DSCAML1: variants seen among roughly 807,000 people sequenced by gnomAD.
The protein encoded by DSCAML1 is DS cell adhesion molecule like 1, also known as cell adhesion molecule DSCAML1.
DSCAML1 carries 38 observed loss-of-function variants against 200.5 expected under a neutral mutation model. That is an observed-to-expected ratio of 0.19 (90% CI 0.15 to 0.25). The LOEUF (loss-of-function observed/expected upper bound fraction) is 0.25. Among genes scored for constraint, DSCAML1 ranks in the 10% least tolerant of loss-of-function variants. The pLI is 1.00. For missense variants in DSCAML1, 2,223 were observed against 2,858.8 expected (o/e 0.78, Z 5.07); for synonymous variants, 1,215 against 1,165.0 (o/e 1.04, Z -0.87).
At chr11:117,472,603 CTT>C (rs1230190276) in intron 14 of DSCAML1, among the ~76,000 whole-genome samples, 1 of 152,200 alleles carries the variant, frequency 6.6e-6, no homozygotes, top group African/African-American at 2.4e-5. Flanking sequence ...ACCCTACCCT[CTT>C]TCCTTCATCG....
chr11:117,586,695 T>G (rs139729926), intron 3 of DSCAML1, among the ~76,000 whole-genome samples: 1 of 152,248 alleles, frequency 6.6e-6, no homozygotes, highest in South Asian at 2.1e-4. Context: ...CCTGCTTCCA[T>G]GATGGGTTTA....
chr11:117,794,386 C>T (rs999454719), intron 1 of DSCAML1, among the ~76,000 whole-genome samples: 2 of 151,942 alleles, frequency 1.3e-5, no homozygotes, highest in East Asian at 1.9e-4. Flanking sequence ...ACTCGATAAC[C>T]GATGATTAAA....
At chr11:117,571,975 C>T (rs950976836) in intron 3 of DSCAML1, among the ~76,000 whole-genome samples, 22 of 152,162 alleles carry the variant, frequency 1.4e-4, no homozygotes, top group Admixed American at 1.2e-3. Context: ...GCCATGGCAA[C>T]GTCAGGAAGG....
At chr11:117,481,402 T>G (rs2048913111) in intron 12 of DSCAML1, 132 bp from the exon 13 acceptor site, 1 of 793,406 alleles carries the variant, frequency 1.3e-6, no homozygotes, top group African/African-American at 1.7e-5. Flanking sequence ...ACAGGGGCTT[T>G]GTCAAGGGCT....
At chr11:117,690,623 C>A (rs887704160) in intron 3 of DSCAML1, among the ~76,000 whole-genome samples, 2 of 152,226 alleles carry the variant, frequency 1.3e-5, no homozygotes, top group African/African-American at 4.8e-5. Context: ...AGGCTACCAG[C>A]CAGTTCATGA....
chr11:117,437,516 G>C lies in DSCAML1; in HGVS notation c.4433-107C>G. 7.5e-7 allele frequency: 1 copy of C among 1,341,792 alleles called. No individual in the cohort carries two copies. The highest frequency in any genetic ancestry group is 1.0e-6 in the Non-Finnish European group (1 of 972,664). 83.1% of individuals were successfully genotyped at this position (1,341,792 alleles called of 1,614,324 possible). A position where few individuals can be genotyped will look rare whatever the true frequency, so the allele number is the denominator to read the frequency against. ...CCCTGGGGCAGCTGGGATGGCAGTG[G>C]CTCCAGGAGAATACATGTTTGGCAC... On this transcript the variant is annotated intron_variant, in intron 25 of 32. Coordinates refer to ENST00000651296, the MANE Select transcript of DSCAML1 (RefSeq NM_020693.4). The surrounding 1 kb of genome is among the most constrained non-coding windows in gnomAD (Gnocchi z 5.3).
intron 3 of DSCAML1, among the ~76,000 whole-genome samples, chr11:117,621,537 G>A (rs1213374293): frequency 1.3e-5 from 2 of 152,194 alleles, no homozygotes. Context: ...AGGGGATTCT[G>A]AGTCTCAGGA....
intron 17 of DSCAML1, among the ~76,000 whole-genome samples, chr11:117,462,152 G>A (rs1450096464): frequency 1.3e-5 from 2 of 152,208 alleles, no homozygotes; most frequent in Admixed American, 1.3e-4. Context: ...TAACCCTGGT[G>A]CAGGAGAGGA....
In DSCAML1 at chr11:117,438,997, G is replaced by A. The variant is rs1191374418; in HGVS notation, c.4145-14C>T. 1.3e-6 allele frequency: 2 copies of A among 1,594,934 alleles called. No individual in the cohort carries two copies. The highest frequency in any genetic ancestry group is 2.7e-5 in the African/African-American group (2 of 73,766). ...GGTCCGGGGGAACTGTGAGGGGAAAGCCACCACCCCTTAGCACAAGGGCGG... is the reference window on the plus strand; with the variant it reads ...GGTCCGGGGGAACTGTGAGGGGAAAACCACCACCCCTTAGCACAAGGGCGG... On this transcript the variant is annotated splice_polypyrimidine_tract_variant and intron_variant, in intron 23 of 32. Transcript: ENST00000651296.
chr11:117,756,028 G>A (rs1044229916), intron 3 of DSCAML1, among the ~76,000 whole-genome samples: 2 of 152,236 alleles, frequency 1.3e-5, no homozygotes, highest in African/African-American at 4.8e-5. Flanking sequence ...ATGATTAAAT[G>A]TGAAACACAC....
Position 117,461,549 on chromosome 11 carries a change from C to G in DSCAML1, c.3313G>C (p.Asp1105His). The G allele has an allele frequency of 6.2e-7, 1 of 1,614,112 alleles. No homozygotes were observed. Among genetic ancestry groups the G allele is most frequent in the Non-Finnish European group, 8.5e-7 (1 of 1,180,044 alleles). The change falls in exon 18 of 33, where the codon GAC (aspartate) becomes CAC (histidine). Residue 1105 changes from aspartate (D) to histidine (H), a missense_variant. Asp to His is a moderately conservative substitution (Grantham distance 81). Around this residue, in one of 7 missense-constraint regions of DSCAML1, gnomAD observed 438 missense variants for 629.7 expected, o/e 0.70. Transcript: ENST00000651296. Reference protein sequence around the residue: ...ENVRALSITSDVAVISWSEPP... With the variant: ...ENVRALSITSHVAVISWSEPP... ...TCTGACCAGGAGATGACGGCCACGT[C>G]AGAAGTGATGGACAGGGCCCGGACG...
At chr11:117,729,134 T>C (rs955833060) in intron 3 of DSCAML1, among the ~76,000 whole-genome samples, 1 of 152,190 alleles carries the variant, frequency 6.6e-6, no homozygotes, top group Admixed American at 6.5e-5. Flanking sequence ...TCAACTGATT[T>C]TTGACAATGG....
rs2054115553 is a variant in DSCAML1 at position 117,725,738 on chromosome 11, G to T, written c.511+51053C>A. ...GGCCCCTGAACCCCATCTTCCAGGG[G>T]TTGGGGGAATTGTCCGGAGGCTTTG... On this transcript the variant is annotated intron_variant, in intron 3 of 32. Coordinates refer to ENST00000651296, the MANE Select transcript of DSCAML1 (RefSeq NM_020693.4). Among the ~76,000 whole-genome samples the T allele has an allele frequency of 2.6e-5, 4 of 152,208 alleles. No homozygotes were observed. In the South Asian group the frequency reaches 8.3e-4, roughly 31 times the overall value.
intron 3 of DSCAML1, among the ~76,000 whole-genome samples, chr11:117,623,879 C>G (rs1469453423): frequency 2.0e-5 from 3 of 152,228 alleles, no homozygotes; most frequent in Non-Finnish European, 2.9e-5. Flanking sequence ...ACTTCCATCA[C>G]AGAATGCTGA....
chr11:117,472,872 A>G (rs530223184), intron 14 of DSCAML1, among the ~76,000 whole-genome samples: 50 of 152,276 alleles, frequency 3.3e-4, no homozygotes, highest in African/African-American at 1.1e-3. Context: ...TCCAGAGGAA[A>G]CGGGAAGGAG....
chr11:117,532,548 C>A (rs757808658), intron 3 of DSCAML1, 26 bp from the exon 4 acceptor site: 1 of 1,603,310 alleles, frequency 6.2e-7, no homozygotes, highest in African/African-American at 1.3e-5. Context: ...GGACATAGTT[C>A]GTTACTTCCC....
Position 117,644,216 on chromosome 11 carries a change from G to T in DSCAML1, c.512-111694C>A, listed in dbSNP as rs150501257. 1.1e-3 allele frequency among the ~76,000 whole-genome samples: 174 copies of T among 152,344 alleles called. 2 individuals are homozygous for T. The East Asian group carries it at 0.024, about 21-fold the overall frequency. ...AGCCACCCCCACCAAGTCTCGAAAG[G>T]CTCCAGGAACAAGATCCAAAGCCTC... On this transcript the variant is annotated intron_variant, in intron 3 of 32. Transcript: ENST00000651296.
chr11:117,480,596 G>A lies in DSCAML1; in HGVS notation c.2657-25C>T, dbSNP rs1485022256. 6.4e-7 allele frequency: 1 copy of A among 1,551,528 alleles called. No homozygotes were observed. Among genetic ancestry groups the A allele is most frequent in the Non-Finnish European group, 8.7e-7 (1 of 1,147,184 alleles). ...TCTAGGGTGCGGCAGTGGAGGGGAGGGAAGTGAGGAGGGCAGCAGGGAGCT... is the reference window on the plus strand; with the variant it reads ...TCTAGGGTGCGGCAGTGGAGGGGAGAGAAGTGAGGAGGGCAGCAGGGAGCT... On this transcript the variant is annotated intron_variant, in intron 13 of 32. Transcript: ENST00000651296. This position sits in a 1 kb window ranked among gnomAD's most constrained non-coding sequence, Gnocchi z 4.1.
At chr11:117,563,816 C>T (rs752258338) in intron 3 of DSCAML1, among the ~76,000 whole-genome samples, 3 of 152,084 alleles carry the variant, frequency 2.0e-5, no homozygotes, top group Admixed American at 6.5e-5. Flanking sequence ...GCACAACATA[C>T]GACATGTGAA....
Sources: allele counts gnomAD v4.1 joint callset (sites outside exome capture counted in the v4.1 genomes callset), GRCh38; gene constraint gnomAD v4.1.1; regional missense constraint gnomAD v4.1.1; non-coding constraint Gnocchi (gnomAD v3.1); transcripts MANE v1.5; gene names NCBI Gene and HGNC (gene_info 2026-07-23, HGNC 2026-07-21).